Variants in NINJ2 observed in about 807,000 individuals in gnomAD.
The protein encoded by NINJ2 is ninjurin-2.
NINJ2 carries 12 observed loss-of-function variants against 11.7 expected under a neutral mutation model. The ratio of observed to expected loss-of-function variants is 1.02; its 90% CI spans 0.66 to 1.66. NINJ2 has a LOEUF of 1.66. Among genes scored for constraint, NINJ2 ranks in the 40% most tolerant of loss-of-function variants. The probability of loss-of-function intolerance (pLI) is 0.00; values close to 1 mark genes in which losing one functional copy is unlikely to be tolerated. For synonymous variants in NINJ2, 93 were observed against 76.8 expected, an observed-to-expected ratio of 1.21 and a Z score of -1.10; for missense variants, 187 against 181.8, an observed-to-expected ratio of 1.03 and a Z score of -0.16.
intron 1 of NINJ2, among the ~76,000 whole-genome samples, chr12:639,786 C>T (rs904735728): frequency 2.6e-5 from 4 of 152,234 alleles, no homozygotes; most frequent in African/African-American, 9.6e-5. Context: ...TCAAGTACAG[C>T]TCCAGCTATT....
At chr12:627,419 G>T (rs1404667775) in intron 1 of NINJ2, among the ~76,000 whole-genome samples, 1 of 152,162 alleles carries the variant, frequency 6.6e-6, no homozygotes, top group Non-Finnish European at 1.5e-5. Context: ...GAATGAAATA[G>T]AGAACTAGGA....
At chr12:643,593 G>T (rs765649560) in intron 1 of NINJ2, 4 of 988,116 alleles carry the variant, frequency 4.0e-6, no homozygotes, top group Non-Finnish European at 4.8e-6. Context: ...CCGAGGCTCG[G>T]AGAGATGAAG....
rs779691718 is a variant in NINJ2, at chr12:644,707, C to T, written c.33+18621G>A. On this transcript the variant is annotated intron_variant, in intron 1 of 3. Transcript: ENST00000305108. ...CCTGAAAAAAATTTATTGACACCTA[C>T]ATAGGAAAAGTGAACTTTTAAATTA... 17 of 152,260 alleles carry T rather than the reference C, an allele frequency of 1.1e-4. 1 individual carries two copies. The South Asian group carries it at 3.5e-3, about 32-fold the overall frequency. 9.4% of individuals were successfully genotyped at this position (152,260 alleles called of 1,614,324 possible). A position where few individuals can be genotyped will look rare whatever the true frequency, so the allele number is the denominator to read the frequency against.
At position 581,748 on chromosome 12, in the gene NINJ2, G is replaced by A. The variant is rs144448441; in HGVS notation, c.34-15570C>T. On this transcript the variant is annotated intron_variant, in intron 1 of 3. Transcript: ENST00000305108. The surrounding 1 kb of genome is among the most constrained non-coding windows in gnomAD (Gnocchi z 4.9). ...AGCTTCGGTGCTTCCCAGCTCACTC[G>A]TCTGTAGAAAGAGGAGACACCCCTT... is the stretch of plus-strand genomic sequence containing the variant. Among the ~76,000 whole-genome samples the A allele has an allele frequency of 1.4e-3, 212 of 152,246 alleles. 2 individuals carry two copies. The highest frequency in any genetic ancestry group is 4.8e-3 in the African/African-American group (200 of 41,544).
At chr12:622,409 CAAAAAAA>C (rs1169331783) in intron 1 of NINJ2, among the ~76,000 whole-genome samples, 9 of 47,438 alleles carry the variant, frequency 1.9e-4, no homozygotes, top group East Asian at 7.3e-4. Flanking sequence ...GACTCCGTCT[CAAAAAAA>C]AAAAAAAAAA....
intron 1 of NINJ2, among the ~76,000 whole-genome samples, chr12:631,170 G>C (rs1948276207): frequency 1.3e-5 from 2 of 152,078 alleles, no homozygotes; most frequent in African/African-American, 4.8e-5. Flanking sequence ...GTAATTTGGA[G>C]ACGGAGGTGG....
intron 1 of NINJ2, among the ~76,000 whole-genome samples, chr12:634,551 G>T (rs1481697988): frequency 6.6e-6 from 1 of 151,694 alleles, no homozygotes; most frequent in African/African-American, 2.4e-5. Context: ...GGGCCACCGC[G>T]CCCGGCCTAG....
intron 1 of NINJ2, among the ~76,000 whole-genome samples, chr12:574,335 TAATA>T (rs1947422373): frequency 6.6e-6 from 1 of 152,052 alleles, no homozygotes; most frequent in Admixed American, 6.6e-5. Context: ...AAAAAAATAA[TAATA>T]ATAACAATAA....
intron 1 of NINJ2, among the ~76,000 whole-genome samples, chr12:625,513 T>C (rs746027609): frequency 5.9e-5 from 9 of 151,926 alleles, no homozygotes; most frequent in African/African-American, 1.5e-4. Flanking sequence ...GGAGGCTACG[T>C]TGAAGAAAAA....
intron 1 of NINJ2, among the ~76,000 whole-genome samples, chr12:637,650 A>T (rs372555360): frequency 6.6e-6 from 1 of 151,958 alleles, no homozygotes; most frequent in African/African-American, 2.4e-5. Flanking sequence ...CAAAAAAAAA[A>T]AAAAAGAAAA....
At chr12:599,346 C>T (rs1039814814) in intron 1 of NINJ2, among the ~76,000 whole-genome samples, 1 of 152,100 alleles carries the variant, frequency 6.6e-6, no homozygotes, top group Non-Finnish European at 1.5e-5. Context: ...ATTGCGCCGT[C>T]GCACTACAAG....
At chr12:638,662 G>A (rs1043412001) in intron 1 of NINJ2, among the ~76,000 whole-genome samples, 17 of 152,200 alleles carry the variant, frequency 1.1e-4, no homozygotes, top group East Asian at 1.9e-4. Context: ...TGATCCGCCC[G>A]CCTCGGCCTC....
intron 1 of NINJ2, among the ~76,000 whole-genome samples, chr12:573,668 G>C (rs755825237): frequency 3.2e-4 from 49 of 152,098 alleles, no homozygotes; most frequent in Non-Finnish European, 4.9e-4. Flanking sequence ...AAGAAGACTA[G>C]TCCCATAGGG....
intron 1 of NINJ2, chr12:643,293 G>T (rs563524916): frequency 3.1e-6 from 1 of 317,804 alleles, no homozygotes; most frequent in African/African-American, 2.2e-5. Flanking sequence ...CGGCTGTCTG[G>T]AGACTCTGCA....
chr12:584,858 C>T (rs1947610000), intron 1 of NINJ2, among the ~76,000 whole-genome samples: 1 of 147,310 alleles, frequency 6.8e-6, no homozygotes, highest in South Asian at 2.2e-4. Context: ...GCTAGGGGCG[C>T]GCTCACACCC....
At chr12:583,394 C>T (rs995548743) in intron 1 of NINJ2, among the ~76,000 whole-genome samples, 3 of 152,228 alleles carry the variant, frequency 2.0e-5, no homozygotes, top group South Asian at 2.1e-4. Context: ...TACTAACGAG[C>T]GAGAGACCTC....
At chr12:636,674 T>G (rs1477127810) in intron 1 of NINJ2, among the ~76,000 whole-genome samples, 2 of 151,354 alleles carry the variant, frequency 1.3e-5, no homozygotes, top group East Asian at 3.9e-4. Flanking sequence ...CAAAACAAAA[T>G]GAGATACAAC....
intron 1 of NINJ2, among the ~76,000 whole-genome samples, chr12:587,217 A>T (rs11063745): frequency 0.27 from 40,396 of 151,958 alleles, 5,650 homozygotes; most frequent in South Asian, 0.37. Context: ...AGGAGGCAAG[A>T]GTCAGCTCAC....
At chr12:625,062 A>G (rs1390322409) in intron 1 of NINJ2, among the ~76,000 whole-genome samples, 1 of 147,600 alleles carries the variant, frequency 6.8e-6, no homozygotes, top group Admixed American at 7.0e-5. Flanking sequence ...TGATCGTGCC[A>G]CTGCACTCCT....
Sources: gnomAD v4.1 joint callset for allele counts (sites outside exome capture counted in the v4.1 genomes callset) on GRCh38, gnomAD v4.1.1 for gene constraint, Gnocchi (gnomAD v3.1) non-coding constraint, MANE v1.5 for transcripts, NCBI Gene and HGNC (gene_info 2026-07-23, HGNC 2026-07-21) for gene names.